Variants in RALYL observed in about 807,000 individuals in gnomAD.
RALYL encodes RALY RNA binding protein like.
Under a neutral mutation model 35.1 loss-of-function variants are expected in RALYL, and 29 were observed. The ratio of observed to expected loss-of-function variants is 0.83; its 90% CI spans 0.61 to 1.13. RALYL has a LOEUF of 1.13. Ranked by LOEUF, RALYL falls within the 50% of genes most tolerant of loss-of-function variation. The probability of loss-of-function intolerance (pLI) is 0.00; values close to 1 mark genes in which losing one functional copy is unlikely to be tolerated. For synonymous variants in RALYL, 120 were observed against 127.6 expected, an observed-to-expected ratio of 0.94 and a Z score of 0.40; for missense variants, 359 against 360.4, an observed-to-expected ratio of 1.00 and a Z score of 0.03.
intron 3 of RALYL, among the ~76,000 whole-genome samples, chr8:84,803,918 C>T (rs192882119): frequency 8.5e-5 from 13 of 152,126 alleles, no homozygotes; most frequent in African/African-American, 2.4e-4. Context: ...ATCTTCAGTT[C>T]GCCTACATTT....
chr8:84,234,901 A>T (rs536507855), intron 1 of RALYL, among the ~76,000 whole-genome samples: 11 of 152,020 alleles, frequency 7.2e-5, no homozygotes, highest in Non-Finnish European at 8.8e-5. Flanking sequence ...AACAGCTGGG[A>T]CTACAGGTGG....
chr8:84,377,443 G>A (rs187494656), intron 1 of RALYL, among the ~76,000 whole-genome samples: 3 of 141,236 alleles, frequency 2.1e-5, no homozygotes, highest in Non-Finnish European at 4.5e-5. Flanking sequence ...TATCATCAAA[G>A]GTTAACTGTT....
intron 4 of RALYL, among the ~76,000 whole-genome samples, chr8:84,835,502 T>TAA (rs35745516): frequency 0.012 from 1,123 of 96,302 alleles, 16 homozygotes; most frequent in African/African-American, 0.015. Flanking sequence ...CTGTCTCTAC[T>TAA]AAAAAAAAAA....
At chr8:84,538,663 A>T (rs977478801) in intron 2 of RALYL, among the ~76,000 whole-genome samples, 2 of 152,206 alleles carry the variant, frequency 1.3e-5, no homozygotes, top group African/African-American at 4.8e-5. Flanking sequence ...TAAAATATTT[A>T]TACATAAGAT....
At chr8:84,313,619 A>T (rs112797643) in intron 1 of RALYL, among the ~76,000 whole-genome samples, 4,119 of 152,254 alleles carry the variant, frequency 0.027, 101 homozygotes, top group Non-Finnish European at 0.031. Context: ...ATTTGCATAG[A>T]TCTCTAGGTA....
intron 2 of RALYL, among the ~76,000 whole-genome samples, chr8:84,680,492 A>G (rs1835214976): frequency 6.6e-6 from 1 of 152,112 alleles, no homozygotes; most frequent in Admixed American, 6.5e-5. Flanking sequence ...CTATTTCTCC[A>G]CATCCTCTCC....
intron 2 of RALYL, among the ~76,000 whole-genome samples, chr8:84,596,958 T>A (rs1488215273): frequency 2.0e-5 from 3 of 151,946 alleles, no homozygotes; most frequent in Admixed American, 1.3e-4. Context: ...AGAAGCAGGA[T>A]GAGGGTTTAG....
intron 1 of RALYL, among the ~76,000 whole-genome samples, chr8:84,340,187 A>G (rs73294908): frequency 0.012 from 1,860 of 152,118 alleles, 50 homozygotes; most frequent in African/African-American, 0.042. Flanking sequence ...TCTTTATTAA[A>G]TTACCTAGTC....
intron 5 of RALYL, among the ~76,000 whole-genome samples, chr8:84,856,299 T>G (rs1005476111): frequency 4.6e-5 from 7 of 152,198 alleles, no homozygotes; most frequent in African/African-American, 1.7e-4. Flanking sequence ...TTACAAGAAT[T>G]AAATGAGAAA....
intron 1 of RALYL, among the ~76,000 whole-genome samples, chr8:84,210,478 ATACTT>A (rs1421147042): frequency 1.4e-5 from 2 of 147,092 alleles, no homozygotes; most frequent in East Asian, 3.9e-4. Flanking sequence ...CATAAAAACA[ATACTT>A]CATTGGCTTA....
At chr8:84,435,587 C>T (rs1370020503) in intron 1 of RALYL, among the ~76,000 whole-genome samples, 1 of 152,114 alleles carries the variant, frequency 6.6e-6, no homozygotes, top group Non-Finnish European at 1.5e-5. Flanking sequence ...TTACTACCCA[C>T]CATATAACAA....
chr8:84,725,719 C>T (rs1194860352), intron 2 of RALYL, among the ~76,000 whole-genome samples: 2 of 151,562 alleles, frequency 1.3e-5, no homozygotes, highest in African/African-American at 4.8e-5. Context: ...GATTATTAAA[C>T]TACCAGAATG....
chr8:84,283,809 G>A (rs1837082443), intron 1 of RALYL, among the ~76,000 whole-genome samples: 1 of 152,084 alleles, frequency 6.6e-6, no homozygotes, highest in Admixed American at 6.6e-5. Flanking sequence ...AAGGGATTCA[G>A]AATTTTCTGG....
chr8:84,907,012 G>C lies in RALYL; in HGVS notation c.859-13882G>C, dbSNP rs1234775230. 3.1e-6 allele frequency: 3 copies of C among 977,892 alleles called. No homozygotes were observed. In the African/African-American group the frequency reaches 5.3e-5, roughly 17 times the overall value. 60.6% of individuals were successfully genotyped at this position (977,892 alleles called of 1,614,324 possible). On this transcript the variant is annotated intron_variant, in intron 8 of 8. Transcript: ENST00000521268. ...GATGAAATGAAAGTTCAGGCCTTTG[G>C]AAAGCTGGTAAGAATTCTTTTCACC...
intron 2 of RALYL, among the ~76,000 whole-genome samples, chr8:84,763,129 C>T (rs1172925540): frequency 6.6e-6 from 1 of 151,970 alleles, no homozygotes; most frequent in African/African-American, 2.4e-5. Flanking sequence ...CACATAGCAG[C>T]CTCGGTTTTT....
chr8:84,454,687 A>G (rs781065358), intron 1 of RALYL, among the ~76,000 whole-genome samples: 1 of 151,544 alleles, frequency 6.6e-6, no homozygotes, highest in East Asian at 2.0e-4. Context: ...TCATACATCT[A>G]CTCTTTCAGG....
intron 2 of RALYL, among the ~76,000 whole-genome samples, chr8:84,753,229 G>A (rs1328021514): frequency 6.6e-6 from 1 of 152,060 alleles, no homozygotes. Context: ...TCTTTCTTTT[G>A]GCCAATTTCT....
intron 2 of RALYL, among the ~76,000 whole-genome samples, chr8:84,649,682 A>G (rs1040235594): frequency 3.3e-5 from 5 of 152,052 alleles, no homozygotes; most frequent in Non-Finnish European, 5.9e-5. Context: ...TGGTTCCTGT[A>G]GCCTTGTAGT....
At chr8:84,270,393 A>C (rs373988026) in intron 1 of RALYL, among the ~76,000 whole-genome samples, 2 of 152,180 alleles carry the variant, frequency 1.3e-5, no homozygotes, top group African/African-American at 4.8e-5. Context: ...ATTAGAACAG[A>C]GTTTAAGATG....
Sources: gnomAD v4.1 joint callset for allele counts (sites outside exome capture counted in the v4.1 genomes callset) on GRCh38, gnomAD v4.1.1 for gene constraint, MANE v1.5 for transcripts, NCBI Gene and HGNC (gene_info 2026-07-23, HGNC 2026-07-21) for gene names.